The following ZNF804A variants were observed in gnomAD, a reference collection of about 807,000 sequenced individuals.
The protein encoded by ZNF804A is zinc finger protein 804A.
A neutral mutation model predicts 16.5 loss-of-function variants in ZNF804A; 2 were observed. The observed-to-expected ratio is 0.12, with a 90% CI of 0.05 to 0.38. ZNF804A has a LOEUF of 0.38. ZNF804A is among the 10% of genes least tolerant of loss of function. The probability of loss-of-function intolerance (pLI) is 0.99; values close to 1 mark genes in which losing one functional copy is unlikely to be tolerated. For synonymous variants in ZNF804A, 534 were observed against 489.6 expected, an observed-to-expected ratio of 1.09 and a Z score of -1.20; for missense variants, 1,473 against 1,390.7, an observed-to-expected ratio of 1.06 and a Z score of -0.94.
At chr2:184,857,269 A>G (rs148170330) in intron 1 of ZNF804A, among the ~76,000 whole-genome samples, 63 of 152,070 alleles carry the variant, frequency 4.1e-4, no homozygotes, top group Admixed American at 1.6e-3. Context: ...TTTAATTTCC[A>G]TGTATTTCAT....
At chr2:184,861,329 T>C (rs943830838) in intron 1 of ZNF804A, among the ~76,000 whole-genome samples, 2 of 152,232 alleles carry the variant, frequency 1.3e-5, no homozygotes, top group Admixed American at 1.3e-4. Context: ...TTCTGCACTA[T>C]ACACAGGTGC....
chr2:184,647,075 A>G (rs1350468652), intron 1 of ZNF804A, among the ~76,000 whole-genome samples: 4 of 152,216 alleles, frequency 2.6e-5, no homozygotes, highest in African/African-American at 9.6e-5. Context: ...CATAGATCAA[A>G]CTACACAGGC....
intron 2 of ZNF804A, among the ~76,000 whole-genome samples, chr2:184,878,249 A>C (rs1462173562): frequency 6.6e-6 from 1 of 152,108 alleles, no homozygotes; most frequent in Non-Finnish European, 1.5e-5. Flanking sequence ...AAAGAAATGC[A>C]GGTAGATTAT....
At chr2:184,906,939 A>G (rs1043111568) in intron 2 of ZNF804A, among the ~76,000 whole-genome samples, 5 of 152,312 alleles carry the variant, frequency 3.3e-5, no homozygotes, top group African/African-American at 1.2e-4. Context: ...GCAACATAAC[A>G]AAGAATGAGG....
intron 1 of ZNF804A, among the ~76,000 whole-genome samples, chr2:184,852,225 CTCTT>C (rs202178313): frequency 0.065 from 7,344 of 112,300 alleles, 201 homozygotes; most frequent in Middle Eastern, 0.1. Context: ...TGAATGCGGT[CTCTT>C]TCTCTCTCTC....
chr2:184,734,944 G>A (rs1347063654), intron 1 of ZNF804A, among the ~76,000 whole-genome samples: 3 of 152,024 alleles, frequency 2.0e-5, no homozygotes, highest in East Asian at 3.9e-4. Flanking sequence ...AACTTTTCTT[G>A]CCCTAAAGAC....
chr2:184,646,030 A>C (rs1397127192), intron 1 of ZNF804A, among the ~76,000 whole-genome samples: 1 of 152,200 alleles, frequency 6.6e-6, no homozygotes, highest in Non-Finnish European at 1.5e-5. Flanking sequence ...ACTGTAAGGG[A>C]AACACACCTG....
intron 1 of ZNF804A, among the ~76,000 whole-genome samples, chr2:184,706,605 A>G (rs12105548): frequency 7.9e-5 from 12 of 152,116 alleles, no homozygotes; most frequent in African/African-American, 2.7e-4. Flanking sequence ...AGAGTTGTCT[A>G]GCCTGACATT....
chr2:184,627,969 C>T (rs1691532228), intron 1 of ZNF804A, among the ~76,000 whole-genome samples: 3 of 152,126 alleles, frequency 2.0e-5, no homozygotes, highest in Admixed American at 2.0e-4. Context: ...TTATGTATAA[C>T]TGTCACAGGC....
At position 184,859,025 on chromosome 2, in the gene ZNF804A, C is replaced by T. The variant is rs576798829; in HGVS notation, c.112-7344C>T. On this transcript the variant is annotated intron_variant, in intron 1 of 3. Coordinates refer to ENST00000302277, the MANE Select transcript of ZNF804A (RefSeq NM_194250.2). The stretch of plus-strand genomic sequence containing the variant: ...GTGCTCTGCTGAGAAATATGTTGCT[C>T]GTTTTATTGGCCCTCCTTTATATGT... Among the ~76,000 whole-genome samples the T allele has an allele frequency of 4.6e-5, 7 of 152,172 alleles. No individual in the cohort carries two copies. In the South Asian group the frequency reaches 8.3e-4, roughly 18 times the overall value.
intron 1 of ZNF804A, among the ~76,000 whole-genome samples, chr2:184,757,402 G>T (rs952311651): frequency 6.6e-6 from 1 of 151,758 alleles, no homozygotes; most frequent in African/African-American, 2.4e-5. Flanking sequence ...ATCATCTCCT[G>T]CTTGAATTAT....
At chr2:184,676,397 ACT>A (rs1269506832) in intron 1 of ZNF804A, among the ~76,000 whole-genome samples, 2 of 151,306 alleles carry the variant, frequency 1.3e-5, no homozygotes, top group Non-Finnish European at 3.0e-5. Context: ...ATACACACAC[ACT>A]CTATTCTGGA....
At chr2:184,810,401 T>TTTA (rs1462973032) in intron 1 of ZNF804A, among the ~76,000 whole-genome samples, 2 of 152,086 alleles carry the variant, frequency 1.3e-5, no homozygotes, top group Non-Finnish European at 1.5e-5. Flanking sequence ...TACTTATTTT[T>TTTA]TTAGATTTAC....
At chr2:184,792,945 G>A (rs192579700) in intron 1 of ZNF804A, among the ~76,000 whole-genome samples, 1 of 151,976 alleles carries the variant, frequency 6.6e-6, no homozygotes, top group African/African-American at 2.4e-5. Context: ...CCCCCTAGCA[G>A]TCCACAGTGT....
At chr2:184,776,482 T>G (rs189174818) in intron 1 of ZNF804A, among the ~76,000 whole-genome samples, 1 of 128,714 alleles carries the variant, frequency 7.8e-6, no homozygotes, top group African/African-American at 2.7e-5. Flanking sequence ...ATAAACCTCA[T>G]TTTTTTTTTT....
intron 2 of ZNF804A, among the ~76,000 whole-genome samples, chr2:184,872,789 G>A (rs1345559679): frequency 3.3e-5 from 5 of 151,956 alleles, no homozygotes; most frequent in African/African-American, 7.3e-5. Context: ...GAATGAATAC[G>A]GTCCTGAAGA....
chr2:184,798,778 AG>A (rs1407985770), intron 1 of ZNF804A, among the ~76,000 whole-genome samples: 2 of 152,074 alleles, frequency 1.3e-5, no homozygotes, highest in Non-Finnish European at 2.9e-5. Context: ...CTGGTGAATT[AG>A]TGTGATTTTT....
At chr2:184,605,008 A>G (rs939844602) in intron 1 of ZNF804A, among the ~76,000 whole-genome samples, 3 of 152,114 alleles carry the variant, frequency 2.0e-5, no homozygotes, top group Non-Finnish European at 2.9e-5. Context: ...ACTAATTTAG[A>G]ATGTAATTTT....
At chr2:184,758,000 T>C (rs1693984202) in intron 1 of ZNF804A, among the ~76,000 whole-genome samples, 1 of 152,030 alleles carries the variant, frequency 6.6e-6, no homozygotes, top group Non-Finnish European at 1.5e-5. Context: ...ATGGGCTCTT[T>C]CTGTTTCAAG....
Sources: gnomAD v4.1 joint callset for allele counts (sites outside exome capture counted in the v4.1 genomes callset) on GRCh38, gnomAD v4.1.1 for gene constraint, MANE v1.5 for transcripts, NCBI Gene and HGNC (gene_info 2026-07-23, HGNC 2026-07-21) for gene names.